The following SH3YL1 variants were observed in gnomAD, a reference collection of about 807,000 sequenced individuals.
SH3YL1 encodes the protein SH3 and SYLF domain containing 1.
Under a neutral mutation model 45.8 loss-of-function variants are expected in SH3YL1, and 41 were observed. That is an observed-to-expected ratio of 0.89 (90% CI 0.70 to 1.16). The LOEUF is 1.16. Among genes scored for constraint, SH3YL1 ranks in the 50% most tolerant of loss-of-function variants. SH3YL1 has a pLI of 0.00. For missense variants in SH3YL1, 389 were observed against 409.6 expected (o/e 0.95, Z 0.43); for synonymous variants, 152 against 151.4 (o/e 1.00, Z -0.03).
At chr2:249,213 T>C (rs1668966771) in intron 3 of SH3YL1, among the ~76,000 whole-genome samples, 2 of 152,208 alleles carry the variant, frequency 1.3e-5, no homozygotes, top group Admixed American at 6.5e-5. Flanking sequence ...AAGAATCAAG[T>C]AGTAGATTTC....
At chr2:221,251 T>C (rs1473533302) in intron 9 of SH3YL1, among the ~76,000 whole-genome samples, 1 of 152,192 alleles carries the variant, frequency 6.6e-6, no homozygotes, top group Admixed American at 6.5e-5. Context: ...GCATTTTACT[T>C]TTATGAGGCA....
At chr2:225,753 T>C (rs79356789) in intron 8 of SH3YL1, among the ~76,000 whole-genome samples, 7 of 152,362 alleles carry the variant, frequency 4.6e-5, no homozygotes, top group Non-Finnish European at 8.8e-5. Flanking sequence ...TGAAAATTGG[T>C]ACTTAAGTAG....
chr2:243,639 C>T, intron 4 of SH3YL1: 6 of 1,454,992 alleles, frequency 4.1e-6, no homozygotes, highest in Non-Finnish European at 5.5e-6. Context: ...TTTAACTAAA[C>T]TTTAAGCAAC....
intron 1 of SH3YL1, among the ~76,000 whole-genome samples, chr2:256,883 A>T (rs971601203): frequency 6.6e-6 from 1 of 152,104 alleles, no homozygotes; most frequent in African/African-American, 2.4e-5. Flanking sequence ...ATCCTCACCA[A>T]CACTTGCAAT....
chr2:249,021 C>T (rs1181712916), intron 3 of SH3YL1, among the ~76,000 whole-genome samples: 1 of 152,056 alleles, frequency 6.6e-6, no homozygotes, highest in Non-Finnish European at 1.5e-5. Context: ...CATGCTCTCT[C>T]AAAATAAAAT....
At chr2:255,271 T>C (rs1158249360) in intron 1 of SH3YL1, among the ~76,000 whole-genome samples, 11 of 152,180 alleles carry the variant, frequency 7.2e-5, no homozygotes, top group Admixed American at 7.2e-4. Context: ...CAATAAAATG[T>C]GATATATTTT....
intron 1 of SH3YL1, among the ~76,000 whole-genome samples, chr2:254,711 G>T (rs537494128): frequency 7.9e-5 from 12 of 152,296 alleles, no homozygotes; most frequent in African/African-American, 2.9e-4. Flanking sequence ...AGCTACAAAG[G>T]TAAGAAGCTA....
rs1668138904 is a variant in SH3YL1, at chr2:233,334, T to C, written c.405-105A>G. ...AGCTCAAATGAATTATTTTGTTCTG[T>C]ACCTTCTTCAGCTGTTTCTATGTTT... is the stretch of plus-strand genomic sequence containing the variant. On this transcript the variant is annotated intron_variant, in intron 5 of 9. Transcript: ENST00000356150. The C allele has an allele frequency of 6.7e-6, 8 of 1,195,208 alleles. No individual in the cohort carries two copies. The East Asian group carries it at 2.0e-4, about 30-fold the overall frequency. The allele number at this position is 1,195,208 out of a possible 1,614,324, so 74.0% of individuals were successfully genotyped here.
At chr2:222,524 A>T (rs1244121738) in intron 9 of SH3YL1, 2 of 152,298 alleles carry the variant, frequency 1.3e-5, no homozygotes, top group Non-Finnish European at 2.9e-5. Context: ...CCAGGTTGAG[A>T]AACCCCATCC....
At chr2:242,720 A>G (rs1668596383) in intron 4 of SH3YL1, 2 of 1,416,104 alleles carry the variant, frequency 1.4e-6, no homozygotes, top group Non-Finnish European at 1.8e-6. Context: ...ATTAGCATGG[A>G]TAAAACAACA....
intron 4 of SH3YL1, among the ~76,000 whole-genome samples, chr2:238,707 C>T (rs146011767): frequency 8.5e-5 from 13 of 152,242 alleles, no homozygotes; most frequent in African/African-American, 2.6e-4. Context: ...AAAAAGAAAC[C>T]GTTAGTGGTA....
At chr2:246,301 T>A (rs10193882) in intron 4 of SH3YL1, among the ~76,000 whole-genome samples, 138,971 of 152,224 alleles carry the variant, frequency 0.91, 63,561 homozygotes, top group African/African-American at 0.97. Context: ...TTTTACTTGC[T>A]CTTGTTTTTC....
At chr2:239,438 C>G (rs537396895) in intron 4 of SH3YL1, 1 of 152,192 alleles carries the variant, frequency 6.6e-6, no homozygotes, top group African/African-American at 2.4e-5. Flanking sequence ...GGGAGATGTC[C>G]GGAGAAAAAC....
chr2:221,560 G>A (rs60484953), intron 9 of SH3YL1, among the ~76,000 whole-genome samples: 43,097 of 152,072 alleles, frequency 0.28, 6,706 homozygotes, highest in Non-Finnish European at 0.35. Context: ...TGAGAGAGGA[G>A]GGTAGAGGAG....
chr2:248,857 C>T (rs951657058), intron 3 of SH3YL1, among the ~76,000 whole-genome samples: 2 of 152,160 alleles, frequency 1.3e-5, no homozygotes, highest in African/African-American at 4.8e-5. Flanking sequence ...CAAAGCCACA[C>T]ATTGAGCTAT....
chr2:260,721 C>T (rs1669555305), intron 1 of SH3YL1: 1 of 152,208 alleles, frequency 6.6e-6, no homozygotes, highest in African/African-American at 2.4e-5. Context: ...GCAATTTAGA[C>T]TAGATTTTCT....
intron 1 of SH3YL1, among the ~76,000 whole-genome samples, chr2:255,679 T>C (rs909122951): frequency 6.6e-6 from 1 of 152,202 alleles, no homozygotes; most frequent in African/African-American, 2.4e-5. Context: ...AAGATGTCAG[T>C]ATCAGTTCTT....
At position 233,100 on chromosome 2, in the gene SH3YL1, C is replaced by T; in HGVS notation, c.533+1G>A. 1 of 1,558,146 alleles carries T rather than the reference C, an allele frequency of 6.4e-7. No individual in the cohort carries two copies. The highest frequency in any genetic ancestry group is 8.7e-7 in the Non-Finnish European group (1 of 1,151,206). On this transcript the variant is annotated splice_donor_variant, in intron 6 of 9. Transcript: ENST00000356150. LOFTEE classifies it high-confidence loss of function. ...TTAAAATCACTTTAACTTGAACTGA[C>T]TTTCTATTAGTTTCTTTCCTTTCAA...
chr2:252,278 T>C (rs1358592344), intron 2 of SH3YL1, among the ~76,000 whole-genome samples: 2 of 152,226 alleles, frequency 1.3e-5, no homozygotes, highest in African/African-American at 2.4e-5. Context: ...AATGTAAATG[T>C]CTTATGTGGA....
Sources: allele counts gnomAD v4.1 joint callset (sites outside exome capture counted in the v4.1 genomes callset), GRCh38; gene constraint gnomAD v4.1.1; transcripts MANE v1.5; gene names NCBI Gene and HGNC (gene_info 2026-07-23, HGNC 2026-07-21).